Variants in SPINK13 observed in about 807,000 individuals in gnomAD.
SPINK13 encodes the protein serine peptidase inhibitor Kazal type 13, also known as serine protease inhibitor Kazal-type 13.
In SPINK13, 11 loss-of-function variants were observed where a neutral mutation model predicts 11.0. The observed-to-expected ratio is 1.00, with a 90% confidence interval of 0.63 to 1.65. The LOEUF is 1.65. Ranked by LOEUF, SPINK13 falls within the 40% of genes most tolerant of loss-of-function variation. SPINK13 has a pLI of 0.00. For missense variants in SPINK13, 113 were observed against 117.7 expected, an observed-to-expected ratio of 0.96 and a Z score of 0.19; for synonymous variants, 31 against 35.6, an observed-to-expected ratio of 0.87 and a Z score of 0.46.
intron 3 of SPINK13, among the ~76,000 whole-genome samples, chr5:148,274,918 C>A (rs1034401653): frequency 6.6e-6 from 1 of 152,040 alleles, no homozygotes; most frequent in South Asian, 2.1e-4. Context: ...GTAAATATAT[C>A]TCTGATCATT....
At chr5:148,276,563 C>T (rs1345054727) in intron 3 of SPINK13, among the ~76,000 whole-genome samples, 3 of 152,210 alleles carry the variant, frequency 2.0e-5, no homozygotes, top group African/African-American at 7.2e-5. Flanking sequence ...GAATCCTTTC[C>T]CCATTGCTTA....
chr5:148,279,743 T>G (rs1756485149), intron 3 of SPINK13, among the ~76,000 whole-genome samples: 1 of 152,202 alleles, frequency 6.6e-6, no homozygotes, highest in Non-Finnish European at 1.5e-5. Context: ...TTGGTGAAGC[T>G]GACATTTATG....
intron 1 of SPINK13, among the ~76,000 whole-genome samples, chr5:148,269,514 G>C (rs1756315311): frequency 6.6e-6 from 1 of 152,096 alleles, no homozygotes; most frequent in African/African-American, 2.4e-5. Flanking sequence ...ACCTGGCAAA[G>C]AGAAATTTAG....
chr5:148,274,447 G>T (rs1756395064), intron 3 of SPINK13, 63 bp downstream of exon 3: 2 of 1,376,402 alleles, frequency 1.5e-6, no homozygotes, highest in African/African-American at 2.9e-5. Flanking sequence ...AGACATGAGA[G>T]ATCTAAAACT....
chr5:148,269,734 T>C (rs1756318341), intron 1 of SPINK13, among the ~76,000 whole-genome samples: 2 of 152,158 alleles, frequency 1.3e-5, no homozygotes, highest in Non-Finnish European at 1.5e-5. Context: ...AATTGTAGGG[T>C]GAACCTATGT....
intron 2 of SPINK13, 137 bp from the exon 3 acceptor site, chr5:148,274,210 C>A (rs1453940954): frequency 5.7e-6 from 3 of 524,180 alleles, no homozygotes; most frequent in African/African-American, 3.9e-5. Flanking sequence ...ACTGCAAATT[C>A]TATTGCTATT....
chr5:148,273,935 A>C (rs1756386190), intron 2 of SPINK13, among the ~76,000 whole-genome samples: 1 of 152,220 alleles, frequency 6.6e-6, no homozygotes, highest in African/African-American at 2.4e-5. Context: ...GCCCACTTTA[A>C]TTCAGCATCT....
In SPINK13 at chr5:148,286,110, T is replaced by C; in HGVS notation, c.*62T>C. On this transcript the variant is annotated 3_prime_UTR_variant, in exon 5 of 5. Coordinates refer to ENST00000398450, the MANE Select transcript of SPINK13 (RefSeq NM_001040129.3). ...CTACTTAATTCAGAATAGTATTTCT[T>C]TTAGAGTGTGAGAATGTAAATTAAA... 9.1e-7 allele frequency: 1 copy of C among 1,097,628 alleles called. No individual in the cohort carries two copies. The highest frequency in any genetic ancestry group is 1.8e-5 in the South Asian group (1 of 57,024). The allele number at this position is 1,097,628 out of a possible 1,614,324, so 68.0% of individuals were successfully genotyped here. A position where few individuals can be genotyped will look rare whatever the true frequency, so the allele number is the denominator to read the frequency against.
chr5:148,286,204 A>T lies in SPINK13; in HGVS notation c.*156A>T. 2.5e-6 allele frequency: 1 copy of T among 405,258 alleles called. No individual in the cohort carries two copies. The allele number at this position is 405,258 out of a possible 1,614,324, so 25.1% of individuals were successfully genotyped here. ...CAAAAATGAAGGAATCAAACTGACA[A>T]GAACCAAATATCACATTTGTTACAA... On this transcript the variant is annotated 3_prime_UTR_variant, in exon 5 of 5. Coordinates refer to ENST00000398450, the MANE Select transcript of SPINK13 (RefSeq NM_001040129.3).
At chr5:148,281,848 C>G (rs1485169146) in intron 3 of SPINK13, among the ~76,000 whole-genome samples, 9 of 152,162 alleles carry the variant, frequency 5.9e-5, no homozygotes, top group Non-Finnish European at 1.5e-5. Flanking sequence ...TCATAAACAT[C>G]CTACTGGAAC....
intron 1 of SPINK13, 113 bp from the exon 2 acceptor site, chr5:148,269,927 T>A: frequency 1.6e-6 from 1 of 643,408 alleles, no homozygotes. Flanking sequence ...CAGGTCAGTA[T>A]AAATCACCAG....
chr5:148,277,119 T>C (rs1266123381), intron 3 of SPINK13, among the ~76,000 whole-genome samples: 1 of 152,244 alleles, frequency 6.6e-6, no homozygotes, highest in Non-Finnish European at 1.5e-5. Flanking sequence ...TTTTTGCACA[T>C]TGATTTTGTA....
chr5:148,282,363 A>G, intron 4 of SPINK13, 132 bp downstream of exon 4: 1 of 1,095,140 alleles, frequency 9.1e-7, no homozygotes, highest in Non-Finnish European at 1.3e-6. Context: ...ATTTACAAAA[A>G]CTGGGGACAG....
chr5:148,282,245 A>C lies in SPINK13; in HGVS notation c.236+14A>C. The C allele has an allele frequency of 6.2e-7, 1 of 1,612,864 alleles. No homozygotes were observed. Among genetic ancestry groups the C allele is most frequent in the Non-Finnish European group, 8.5e-7 (1 of 1,179,022 alleles). ...TGTTGAACAGAGGTAAGTTCAGAAT[A>C]AAATGCCATTATTTTTTCCCTCTAC... On this transcript the variant is annotated intron_variant, in intron 4 of 4. Transcript: ENST00000398450.
At chr5:148,275,658 CT>C (rs1182318008) in intron 3 of SPINK13, among the ~76,000 whole-genome samples, 4 of 150,824 alleles carry the variant, frequency 2.7e-5, no homozygotes, top group Admixed American at 6.6e-5. Flanking sequence ...TGTTTCCTGA[CT>C]TTTTTTCTTT....
chr5:148,276,365 A>G (rs894171099), intron 3 of SPINK13, among the ~76,000 whole-genome samples: 5 of 151,988 alleles, frequency 3.3e-5, no homozygotes, highest in African/African-American at 1.2e-4. Context: ...GTCATGAAGT[A>G]TTTGCCCATG....
intron 4 of SPINK13, among the ~76,000 whole-genome samples, chr5:148,283,112 C>T (rs534700262): frequency 3.3e-5 from 5 of 152,106 alleles, no homozygotes; most frequent in East Asian, 1.9e-4. Context: ...CTCACAGAAG[C>T]GATACTTAAT....
Position 148,286,204 on chromosome 5 carries a change from A to G in SPINK13, c.*156A>G. 2.5e-6 allele frequency: 1 copy of G among 405,258 alleles called. No homozygotes were observed. Among genetic ancestry groups the G allele is most frequent in the Non-Finnish European group, 4.5e-6 (1 of 224,234 alleles). 25.1% of individuals were successfully genotyped at this position (405,258 alleles called of 1,614,324 possible). ...CAAAAATGAAGGAATCAAACTGACA[A>G]GAACCAAATATCACATTTGTTACAA... On this transcript the variant is annotated 3_prime_UTR_variant, in exon 5 of 5. Transcript: ENST00000398450.
At chr5:148,269,233 T>C (rs1234083388) in intron 1 of SPINK13, among the ~76,000 whole-genome samples, 1 of 152,208 alleles carries the variant, frequency 6.6e-6, no homozygotes, top group African/African-American at 2.4e-5. Flanking sequence ...ACTCTACTTA[T>C]ATTAATATCA....
Sources: allele counts gnomAD v4.1 joint callset (sites outside exome capture counted in the v4.1 genomes callset), GRCh38; gene constraint gnomAD v4.1.1; transcripts MANE v1.5; gene names NCBI Gene and HGNC (gene_info 2026-07-23, HGNC 2026-07-21).